The following AFG2A variants were observed in gnomAD, a reference collection of about 807,000 sequenced individuals.
AFG2A encodes the protein AAA ATPase AFG2A, also known as ATPase family gene 2 protein homolog A.
the AFG2A span, among the ~76,000 whole-genome samples, chr4:123,226,017 G>C: frequency 2.0e-5 from 3 of 152,134 alleles, no homozygotes; most frequent in Admixed American, 6.6e-5. Context: ...CTGTTTGTCT[G>C]TTATTGGTGT....
chr4:123,055,496 T>C, the AFG2A span, among the ~76,000 whole-genome samples: 1 of 152,170 alleles, frequency 6.6e-6, no homozygotes. Flanking sequence ...CCCATACCAG[T>C]TTGGGATTAG....
At chr4:123,292,602 G>C in the AFG2A span, among the ~76,000 whole-genome samples, 1 of 152,170 alleles carries the variant, frequency 6.6e-6, no homozygotes, top group African/African-American at 2.4e-5. Flanking sequence ...CTTAGGCTCT[G>C]AGTGCTTTCA....
chr4:123,052,007 T>G, the AFG2A span, among the ~76,000 whole-genome samples: 8 of 152,296 alleles, frequency 5.3e-5, no homozygotes, highest in East Asian at 1.5e-3. Flanking sequence ...TGGAAAGTTT[T>G]TTGTATTTCT....
At chr4:123,073,917 T>C in the AFG2A span, among the ~76,000 whole-genome samples, 2 of 152,158 alleles carry the variant, frequency 1.3e-5, no homozygotes, top group Non-Finnish European at 2.9e-5. Context: ...TATTAGTCAC[T>C]GATTGCAGAA....
the AFG2A span, among the ~76,000 whole-genome samples, chr4:123,254,635 C>G: frequency 6.6e-6 from 1 of 152,180 alleles, no homozygotes; most frequent in East Asian, 1.9e-4. Context: ...ATAAAATTCA[C>G]TATTTGAAAT....
the AFG2A span, among the ~76,000 whole-genome samples, chr4:123,058,946 C>T: frequency 3.3e-5 from 5 of 152,098 alleles, no homozygotes; most frequent in East Asian, 7.7e-4. Context: ...TGAGACAAGT[C>T]AAGTCCCTTC....
At chr4:123,017,637 G>A in the AFG2A span, among the ~76,000 whole-genome samples, 1 of 151,770 alleles carries the variant, frequency 6.6e-6, no homozygotes, top group African/African-American at 2.4e-5. Flanking sequence ...AGTATCTTTA[G>A]TAATTTGGTA....
chr4:123,108,653 C>T, the AFG2A span, among the ~76,000 whole-genome samples: 1 of 151,460 alleles, frequency 6.6e-6, no homozygotes, highest in African/African-American at 2.4e-5. Flanking sequence ...ATCTTGATTC[C>T]GGAACTTTTT....
chr4:122,956,985 TAGAC>T, the AFG2A span, among the ~76,000 whole-genome samples: 448 of 152,326 alleles, frequency 2.9e-3, 3 homozygotes, highest in African/African-American at 0.01. Flanking sequence ...CTTGTGATCT[TAGAC>T]AGGTTCTATG....
the AFG2A span, chr4:123,028,132 A>G: frequency 7.2e-7 from 1 of 1,389,910 alleles, no homozygotes; most frequent in Non-Finnish European, 9.9e-7. Flanking sequence ...ATTTTTTTTT[A>G]GTTCTCTGTT....
At chr4:123,253,052 A>T in the AFG2A span, among the ~76,000 whole-genome samples, 1 of 152,228 alleles carries the variant, frequency 6.6e-6, no homozygotes, top group Non-Finnish European at 1.5e-5. Flanking sequence ...GAATAAAGCT[A>T]CTGTGGGCTG....
At chr4:122,972,405 C>G in the AFG2A span, among the ~76,000 whole-genome samples, 2,162 of 152,042 alleles carry the variant, frequency 0.014, 55 homozygotes, top group African/African-American at 0.05. Context: ...TTCAGACAAC[C>G]AACCTTTGGC....
the AFG2A span, among the ~76,000 whole-genome samples, chr4:123,123,869 G>A: frequency 2.0e-5 from 3 of 147,464 alleles, no homozygotes; most frequent in African/African-American, 5.0e-5. Flanking sequence ...GGAGAATGGC[G>A]TGAACCCGGG....
chr4:123,116,559 A>C, the AFG2A span, among the ~76,000 whole-genome samples: 1 of 152,208 alleles, frequency 6.6e-6, no homozygotes, highest in Non-Finnish European at 1.5e-5. Context: ...TGTTAGCCCA[A>C]GTAATGCTGA....
chr4:123,220,874 CAT>C, the AFG2A span, among the ~76,000 whole-genome samples: 2 of 151,900 alleles, frequency 1.3e-5, no homozygotes, highest in African/African-American at 2.4e-5. Context: ...AAGATTGGCA[CAT>C]GTTTTTATGA....
At chr4:123,114,866 T>G in the AFG2A span, among the ~76,000 whole-genome samples, 1 of 152,296 alleles carries the variant, frequency 6.6e-6, no homozygotes, top group African/African-American at 2.4e-5. Context: ...AACCCGATGC[T>G]CCCAGGGCTA....
the AFG2A span, among the ~76,000 whole-genome samples, chr4:122,948,117 T>A: frequency 6.6e-6 from 1 of 152,128 alleles, no homozygotes; most frequent in Non-Finnish European, 1.5e-5. Flanking sequence ...TCAGAAGTTA[T>A]GCATAGTTTT....
chr4:123,057,635 A>G, the AFG2A span, among the ~76,000 whole-genome samples: 1 of 152,188 alleles, frequency 6.6e-6, no homozygotes, highest in African/African-American at 2.4e-5. Flanking sequence ...ATTAATCATA[A>G]TTACTTCTTG....
At chr4:123,203,599 G>T in the AFG2A span, among the ~76,000 whole-genome samples, 1 of 152,138 alleles carries the variant, frequency 6.6e-6, no homozygotes, top group Non-Finnish European at 1.5e-5. Context: ...TTTTATTCCT[G>T]AGTAGTTACA....
Sources: gnomAD v4.1 joint callset for allele counts (sites outside exome capture counted in the v4.1 genomes callset) on GRCh38, gnomAD v4.1.1 for gene constraint, MANE v1.5 for transcripts, NCBI Gene and HGNC (gene_info 2026-07-23, HGNC 2026-07-21) for gene names.